PAX7: variants seen among roughly 807,000 people sequenced by gnomAD.
PAX7 encodes the protein paired box 7, also known as paired box protein Pax-7.
A neutral mutation model predicts 50.7 loss-of-function variants in PAX7; 18 were observed. The observed-to-expected ratio is 0.36, with a 90% CI of 0.25 to 0.53. The LOEUF (loss-of-function observed/expected upper bound fraction) is 0.53. Ranked by LOEUF, PAX7 falls within the 20% of genes least tolerant of loss-of-function variation. PAX7 has a pLI of 0.93. For missense variants in PAX7, 644 were observed against 702.9 expected, an observed-to-expected ratio of 0.92 and a Z score of 0.95; for synonymous variants, 310 against 290.4, an observed-to-expected ratio of 1.07 and a Z score of -0.69.
intron 4 of PAX7, among the ~76,000 whole-genome samples, chr1:18,691,540 C>T (rs559856170): frequency 2.6e-5 from 4 of 152,202 alleles, no homozygotes; most frequent in Non-Finnish European, 5.9e-5. Context: ...AAGCAATACT[C>T]TAGGGTTGGG....
At chr1:18,681,093 G>A (rs1267487232) in intron 4 of PAX7, among the ~76,000 whole-genome samples, 2 of 149,372 alleles carry the variant, frequency 1.3e-5, no homozygotes, top group African/African-American at 4.9e-5. Context: ...CTTGAACCTG[G>A]GAGGCGGAGG....
chr1:18,747,986 T>C lies in PAX7; in HGVS notation c.*3057T>C, dbSNP rs1006639462. 2.0e-5 allele frequency: 4 copies of C among 201,036 alleles called. No individual in the cohort carries two copies. The highest frequency in any genetic ancestry group is 3.1e-5 in the Non-Finnish European group (3 of 97,704). The allele number at this position is 201,036 out of a possible 1,614,324, so 12.5% of individuals were successfully genotyped here. A position where few individuals can be genotyped will look rare whatever the true frequency, so the allele number is the denominator to read the frequency against. The stretch of plus-strand genomic sequence containing the variant: ...CATTTGGTATTTCTCTCTTGCTATA[T>C]AAAGAAAAAAAGAAGTGATGTGTAA... On this transcript the variant is annotated 3_prime_UTR_variant, in exon 9 of 9. Transcript: ENST00000420770.
chr1:18,639,941 G>GA (rs2088224176), intron 4 of PAX7, among the ~76,000 whole-genome samples: 1 of 139,916 alleles, frequency 7.1e-6, no homozygotes, highest in African/African-American at 2.6e-5. Context: ...TACAAGATTA[G>GA]AAAAAAGAAG....
intron 7 of PAX7, among the ~76,000 whole-genome samples, chr1:18,722,409 C>T (rs987226751): frequency 1.3e-5 from 2 of 152,162 alleles, no homozygotes; most frequent in African/African-American, 2.4e-5. Context: ...TCTCCACCAC[C>T]GTCCCCAGCC....
chr1:18,693,083 A>G (rs1343916626), intron 5 of PAX7, among the ~76,000 whole-genome samples: 1 of 152,110 alleles, frequency 6.6e-6, no homozygotes, highest in East Asian at 1.9e-4. Flanking sequence ...AGTCGTGATG[A>G]ACGGCTCTTG....
rs147580504 is a variant in PAX7 at position 18,649,061 on chromosome 1, C to T, written c.586+12690C>T. ...AGGGAACTTGGAATTCCTCTGCAGGCTGAGATTACAAAGGGTGGAGTCAGA... is the reference window on the plus strand; with the variant it reads ...AGGGAACTTGGAATTCCTCTGCAGGTTGAGATTACAAAGGGTGGAGTCAGA... On this transcript the variant is annotated intron_variant, in intron 4 of 8. Transcript: ENST00000420770. Among the ~76,000 whole-genome samples the T allele has an allele frequency of 6.4e-3, 972 of 152,190 alleles. 2 individuals are homozygous for T. Among genetic ancestry groups the T allele is most frequent in the Admixed American group, 0.011 (172 of 15,282 alleles).
intron 4 of PAX7, among the ~76,000 whole-genome samples, chr1:18,649,340 C>T (rs2088395995): frequency 6.6e-6 from 1 of 152,132 alleles, no homozygotes; most frequent in African/African-American, 2.4e-5. Flanking sequence ...TAATGTGACA[C>T]ATGCCTTAAA....
intron 4 of PAX7, among the ~76,000 whole-genome samples, chr1:18,663,819 G>T (rs569049597): frequency 3.9e-5 from 6 of 152,232 alleles, no homozygotes; most frequent in African/African-American, 9.6e-5. Flanking sequence ...TGAAAGATAC[G>T]TGGTATTGAC....
intron 4 of PAX7, among the ~76,000 whole-genome samples, chr1:18,640,478 G>A (rs925427884): frequency 3.3e-5 from 5 of 152,106 alleles, no homozygotes; most frequent in East Asian, 1.9e-4. Context: ...AGGAAGGGGC[G>A]GGGGCGGAGA....
intron 5 of PAX7, among the ~76,000 whole-genome samples, chr1:18,692,963 G>A (rs748199826): frequency 1.1e-4 from 16 of 152,134 alleles, no homozygotes; most frequent in East Asian, 3.9e-4. Context: ...CCAAACTCTC[G>A]GATTCCAGGA....
At position 18,747,385 on chromosome 1, in the gene PAX7, G is replaced by A. The variant is rs1297447645; in HGVS notation, c.*2456G>A. On this transcript the variant is annotated 3_prime_UTR_variant, in exon 9 of 9. Coordinates refer to ENST00000420770, the MANE Select transcript of PAX7 (RefSeq NM_001135254.2). Reference sequence around the variant, plus strand: ...CAAGCCATCATCTTGGTAGAAAATGGGACTTATTCCTTGACAGGCCCCACC... The same window carrying A: ...CAAGCCATCATCTTGGTAGAAAATGAGACTTATTCCTTGACAGGCCCCACC... 6 of 228,118 alleles carry A rather than the reference G, an allele frequency of 2.6e-5. No homozygotes were observed. Among genetic ancestry groups the A allele is most frequent in the East Asian group, 1.3e-4 (2 of 15,994 alleles). The allele number at this position is 228,118 out of a possible 1,614,324, so 14.1% of individuals were successfully genotyped here.
chr1:18,654,534 C>T lies in PAX7; in HGVS notation c.586+18163C>T, dbSNP rs568060877. 2.0e-5 allele frequency among the ~76,000 whole-genome samples: 3 copies of T among 152,338 alleles called. No individual in the cohort carries two copies. The South Asian group carries it at 6.2e-4, about 32-fold the overall frequency. ...TCCTTCCTAAATCTCCACTCACCCA[C>T]TTCTTCCCAGCGAGTGGCAAGGTGG... On this transcript the variant is annotated intron_variant, in intron 4 of 8. Coordinates refer to ENST00000420770, the MANE Select transcript of PAX7 (RefSeq NM_001135254.2).
Position 18,748,405 on chromosome 1 carries a change from T to TA in PAX7, c.*3477dup, listed in dbSNP as rs1931533975. 1 of 231,360 alleles carries TA rather than the reference T, an allele frequency of 4.3e-6. No individual in the cohort carries two copies. The highest frequency in any genetic ancestry group is 2.2e-5 in the African/African-American group (1 of 45,300). 14.3% of individuals were successfully genotyped at this position (231,360 alleles called of 1,614,324 possible). ...CGCACTATTGGACACTTTTTGGGGG[T>TA]ACACAGGTCTTCTCTCCTCCCCTCC... On this transcript the variant is annotated 3_prime_UTR_variant, in exon 9 of 9. Coordinates refer to ENST00000420770, the MANE Select transcript of PAX7 (RefSeq NM_001135254.2).
intron 7 of PAX7, among the ~76,000 whole-genome samples, chr1:18,734,367 G>T (rs1262943000): frequency 1.3e-5 from 2 of 152,058 alleles, no homozygotes; most frequent in Admixed American, 1.3e-4. Flanking sequence ...GGCCCTGCAG[G>T]TTAGGTTCAC....
chr1:18,656,698 A>G lies in PAX7; in HGVS notation c.586+20327A>G, dbSNP rs533503949. ...TAAAATAAATGCATGCATAAAAAAAAGGGGGGGATAATGAGGCGAGACGTG... is the reference window on the plus strand; with the variant it reads ...TAAAATAAATGCATGCATAAAAAAAGGGGGGGGATAATGAGGCGAGACGTG... On this transcript the variant is annotated intron_variant, in intron 4 of 8. Transcript: ENST00000420770. 9.7e-3 allele frequency among the ~76,000 whole-genome samples: 1,477 copies of G among 151,894 alleles called. 51 individuals are homozygous for G. The East Asian group carries it at 0.12, about 12-fold the overall frequency.
Position 18,706,458 on chromosome 1 carries a change from C to CT in PAX7, c.1155+3163dup, listed in dbSNP as rs1202376646. On this transcript the variant is annotated intron_variant, in intron 7 of 8. Transcript: ENST00000420770. ...TTTTTCTTTTCTTTTCTCTCTCTCT[C>CT]TCTTTTTTTTTTTTTTTTTTTGAGA... Among the ~76,000 whole-genome samples, 133 of 135,132 alleles carry CT rather than the reference C, an allele frequency of 9.8e-4. 3 individuals are homozygous for CT. The highest frequency in any genetic ancestry group is 3.5e-3 in the African/African-American group (126 of 35,744). The allele number at this position is 135,132 out of a possible 152,430, so 88.7% of individuals were successfully genotyped here.
In PAX7 at chr1:18,747,558, C is replaced by T. The variant is rs1931496239; in HGVS notation, c.*2629C>T. On this transcript the variant is annotated 3_prime_UTR_variant, in exon 9 of 9. Transcript: ENST00000420770. ...GTGATGTTGAATGAGAGACACAAGG[C>T]CTCCATCTCTTTGGGGCTGACCACA... is the stretch of plus-strand genomic sequence containing the variant. 4.7e-6 allele frequency: 1 copy of T among 213,242 alleles called. No homozygotes were observed. The highest frequency in any genetic ancestry group is 9.5e-6 in the Non-Finnish European group (1 of 105,406). 13.2% of individuals were successfully genotyped at this position (213,242 alleles called of 1,614,324 possible).
At chr1:18,702,999 GGGA>G (rs2089240458) in intron 6 of PAX7, 92 bp from the exon 7 acceptor site, 2 of 1,124,658 alleles carry the variant, frequency 1.8e-6, no homozygotes, top group East Asian at 2.4e-5. Context: ...AATGGAGACC[GGGA>G]GGAGGAGTCT....
chr1:18,704,294 T>C (rs890615111), intron 7 of PAX7, among the ~76,000 whole-genome samples: 5 of 152,242 alleles, frequency 3.3e-5, no homozygotes, highest in Non-Finnish European at 7.3e-5. Context: ...GGTGGCTTTT[T>C]TGCCACCACA....
Sources: gnomAD v4.1 joint callset for allele counts (sites outside exome capture counted in the v4.1 genomes callset) on GRCh38, gnomAD v4.1.1 for gene constraint, MANE v1.5 for transcripts, NCBI Gene and HGNC (gene_info 2026-07-23, HGNC 2026-07-21) for gene names.